NRG1: variants seen among roughly 807,000 people sequenced by gnomAD.
NRG1 encodes the protein pro-neuregulin-1, membrane-bound isoform.
Under a neutral mutation model 63.8 loss-of-function variants are expected in NRG1, and 18 were observed. The observed-to-expected ratio is 0.28, with a 90% CI of 0.19 to 0.42. NRG1 has a LOEUF of 0.42. Among genes scored for constraint, NRG1 ranks in the 10% least tolerant of loss-of-function variants. NRG1 has a pLI of 1.00. For synonymous variants in NRG1, 302 were observed against 301.3 expected (o/e 1.00, Z -0.02); for missense variants, 762 against 814.7 (o/e 0.94, Z 0.79).
intron 1 of NRG1, among the ~76,000 whole-genome samples, chr8:31,976,816 T>C (rs1450392517): frequency 1.3e-5 from 2 of 152,124 alleles, no homozygotes; most frequent in African/African-American, 4.8e-5. Flanking sequence ...TGCCATCTCT[T>C]TGGGAGAATT....
intron 1 of NRG1, among the ~76,000 whole-genome samples, chr8:32,594,295 G>T (rs929548053): frequency 7.9e-5 from 12 of 152,122 alleles, no homozygotes; most frequent in African/African-American, 2.9e-4. Flanking sequence ...GCCTGGGTTT[G>T]TTTTCTGGGA....
chr8:31,712,923 C>T (rs1383453070), intron 1 of NRG1, among the ~76,000 whole-genome samples: 2 of 151,800 alleles, frequency 1.3e-5, no homozygotes, highest in Admixed American at 6.6e-5. Context: ...TTCAATCTGT[C>T]TGTCTATTAT....
At chr8:31,806,037 AT>A (rs1325163650) in intron 1 of NRG1, among the ~76,000 whole-genome samples, 2 of 152,150 alleles carry the variant, frequency 1.3e-5, no homozygotes, top group Non-Finnish European at 2.9e-5. Context: ...ACCAGAGATG[AT>A]TTTTAAAAAT....
chr8:32,017,388 A>G (rs1815714495), intron 1 of NRG1, among the ~76,000 whole-genome samples: 1 of 152,182 alleles, frequency 6.6e-6, no homozygotes, highest in Non-Finnish European at 1.5e-5. Flanking sequence ...AATGTGTAGC[A>G]GCTTCTCCAC....
At chr8:31,837,638 C>T (rs1442429273) in intron 1 of NRG1, among the ~76,000 whole-genome samples, 1 of 151,962 alleles carries the variant, frequency 6.6e-6, no homozygotes, top group Admixed American at 6.6e-5. Context: ...TCTCCCACTC[C>T]CTCCTATTCT....
intron 5 of NRG1, among the ~76,000 whole-genome samples, chr8:32,679,709 G>A (rs1007195769): frequency 2.0e-5 from 3 of 152,132 alleles, no homozygotes; most frequent in African/African-American, 7.2e-5. Flanking sequence ...CTTAATTTTG[G>A]CATATAGTTA....
chr8:31,701,978 C>A (rs1810677320), intron 1 of NRG1, among the ~76,000 whole-genome samples: 1 of 152,120 alleles, frequency 6.6e-6, no homozygotes, highest in African/African-American at 2.4e-5. Flanking sequence ...CCCACCTAAC[C>A]TATTGAGTTA....
At chr8:31,704,851 A>G (rs1490182920) in intron 1 of NRG1, among the ~76,000 whole-genome samples, 3 of 148,538 alleles carry the variant, frequency 2.0e-5, no homozygotes, top group African/African-American at 7.4e-5. Context: ...AAAAAAAAAG[A>G]AATTACTTAC....
chr8:31,953,826 AAG>A (rs1402534905), intron 1 of NRG1, among the ~76,000 whole-genome samples: 2 of 152,202 alleles, frequency 1.3e-5, no homozygotes, highest in Non-Finnish European at 2.9e-5. Flanking sequence ...AGAATGGAGA[AAG>A]AGAACAAGAA....
intron 1 of NRG1, among the ~76,000 whole-genome samples, chr8:31,944,513 A>C (rs1026477251): frequency 3.9e-5 from 6 of 152,178 alleles, no homozygotes; most frequent in Admixed American, 1.3e-4. Flanking sequence ...GGTAGAACAA[A>C]AACTCTGTCT....
chr8:32,221,329 G>A (rs1448717093), intron 1 of NRG1, among the ~76,000 whole-genome samples: 1 of 152,098 alleles, frequency 6.6e-6, no homozygotes, highest in African/African-American at 2.4e-5. Flanking sequence ...CTTGATGCAC[G>A]GTGGAGAAAG....
intron 5 of NRG1, among the ~76,000 whole-genome samples, chr8:32,680,983 G>A (rs563680654): frequency 1.4e-4 from 21 of 152,166 alleles, no homozygotes; most frequent in African/African-American, 2.6e-4. Context: ...ATAAGAATAC[G>A]TTAATAAATT....
At chr8:32,635,428 G>C (rs1588877534) in intron 5 of NRG1, among the ~76,000 whole-genome samples, 1 of 152,318 alleles carries the variant, frequency 6.6e-6, no homozygotes, top group African/African-American at 2.4e-5. Flanking sequence ...GTACCTGCCA[G>C]ATTGTGAAAA....
At chr8:32,560,039 A>G (rs1213756391) in intron 1 of NRG1, among the ~76,000 whole-genome samples, 1 of 152,090 alleles carries the variant, frequency 6.6e-6, no homozygotes, top group Non-Finnish European at 1.5e-5. Context: ...AATAAGATAT[A>G]AATGAAATAG....
intron 1 of NRG1, among the ~76,000 whole-genome samples, chr8:32,042,119 A>T (rs951416046): frequency 1.3e-5 from 2 of 152,160 alleles, no homozygotes; most frequent in African/African-American, 4.8e-5. Flanking sequence ...TTGCCTGATT[A>T]AAAAATAGTT....
chr8:32,436,217 A>G (rs1390530661), intron 1 of NRG1, among the ~76,000 whole-genome samples: 1 of 152,180 alleles, frequency 6.6e-6, no homozygotes, highest in Non-Finnish European at 1.5e-5. Flanking sequence ...AACACCTTAT[A>G]AAGCCATCAG....
chr8:32,634,120 G>C (rs6992049), intron 5 of NRG1, among the ~76,000 whole-genome samples: 17 of 97,764 alleles, frequency 1.7e-4, no homozygotes, highest in African/African-American at 9.3e-4. Context: ...AAAAAAAAAG[G>C]TTGCATAAAG....
chr8:32,723,146 A>C (rs1482307110), intron 5 of NRG1, among the ~76,000 whole-genome samples: 1 of 18,090 alleles, frequency 5.5e-5, no homozygotes, highest in East Asian at 3.2e-4. Flanking sequence ...CTTGGCAACA[A>C]CCCTTTGGTA....
chr8:31,659,979 C>A (rs2130930502), intron 1 of NRG1, among the ~76,000 whole-genome samples: 2 of 152,258 alleles, frequency 1.3e-5, no homozygotes, highest in South Asian at 4.1e-4. Flanking sequence ...TCATTATACT[C>A]ATTTTACAGA....
Sources: gnomAD v4.1 joint callset for allele counts (sites outside exome capture counted in the v4.1 genomes callset) on GRCh38, gnomAD v4.1.1 for gene constraint, MANE v1.5 for transcripts, NCBI Gene and HGNC (gene_info 2026-07-23, HGNC 2026-07-21) for gene names.